FAM114A2: variants seen among roughly 807,000 people sequenced by gnomAD.
FAM114A2 encodes the protein family with sequence similarity 114 member A2.
A neutral mutation model predicts 58.4 loss-of-function variants in FAM114A2; 53 were observed. The observed-to-expected ratio is 0.91, with a 90% CI of 0.73 to 1.14. The LOEUF (loss-of-function observed/expected upper bound fraction) is 1.14. Ranked by LOEUF, FAM114A2 falls within the 50% of genes most tolerant of loss-of-function variation. The pLI, the probability that FAM114A2 is intolerant of heterozygous loss-of-function variation, is 0.00. For missense variants in FAM114A2, 601 were observed against 581.1 expected, an observed-to-expected ratio of 1.03 and a Z score of -0.35; for synonymous variants, 228 against 211.4, an observed-to-expected ratio of 1.08 and a Z score of -0.68.
At chr5:154,010,514 T>C (rs1446550032) in intron 9 of FAM114A2, among the ~76,000 whole-genome samples, 1 of 152,100 alleles carries the variant, frequency 6.6e-6, no homozygotes, top group Non-Finnish European at 1.5e-5. Context: ...GACTATGCAA[T>C]AGCTCTCACC....
intron 8 of FAM114A2, among the ~76,000 whole-genome samples, chr5:154,018,859 C>T (rs1771218300): frequency 6.6e-6 from 1 of 152,132 alleles, no homozygotes; most frequent in African/African-American, 2.4e-5. Flanking sequence ...ATGCAGCATC[C>T]TTTATGATTA....
intron 8 of FAM114A2, among the ~76,000 whole-genome samples, chr5:154,022,424 TAAAC>T (rs1192338121): frequency 7.2e-5 from 11 of 151,932 alleles, no homozygotes; most frequent in Non-Finnish European, 1.6e-4. Flanking sequence ...ACAAAGAACT[TAAAC>T]AAATTTACAA....
intron 8 of FAM114A2, among the ~76,000 whole-genome samples, chr5:154,016,023 C>T (rs1021689551): frequency 6.6e-6 from 1 of 152,002 alleles, no homozygotes; most frequent in African/African-American, 2.4e-5. Context: ...GAAGAAAGAA[C>T]TTCAGAGCTC....
chr5:154,002,997 C>A (rs1770098449), intron 9 of FAM114A2, 28 bp from the exon 10 acceptor site: 1 of 1,610,354 alleles, frequency 6.2e-7, no homozygotes, highest in African/African-American at 1.3e-5. Flanking sequence ...TGGCCATCAA[C>A]AATTCAATTC....
chr5:154,000,207 G>A (rs750915037), intron 11 of FAM114A2, among the ~76,000 whole-genome samples: 11 of 152,246 alleles, frequency 7.2e-5, no homozygotes, highest in East Asian at 1.9e-4. Context: ...AGGTGGGTGC[G>A]TGAGTGGGTG....
Position 153,999,972 on chromosome 5 carries a change from T to TATATGTGTGTGTATAC in FAM114A2, c.1257-2098_1257-2097insGTATACACACACATAT, listed in dbSNP as rs1561542133. Among the ~76,000 whole-genome samples, 187 of 152,256 alleles carry TATATGTGTGTGTATAC rather than the reference T, an allele frequency of 1.2e-3. 5 individuals carry two copies. In the South Asian group the frequency reaches 0.029, roughly 23 times the overall value. ...GTGTGTATATATATGTGTGTGTATA[T>TATATGTGTGTGTATAC]ATGTATATGTGTATACACACACACA... is the stretch of plus-strand genomic sequence containing the variant. On this transcript the variant is annotated intron_variant, in intron 11 of 13. Coordinates refer to ENST00000351797, the MANE Select transcript of FAM114A2 (RefSeq NM_018691.4).
rs750405505 is a variant in FAM114A2 at position 154,034,349 on chromosome 5, G to T, written c.239C>A (p.Thr80Asn). 3 of 1,594,482 alleles carry T rather than the reference G, an allele frequency of 1.9e-6. No homozygotes were observed. In the African/African-American group the frequency reaches 4.0e-5, roughly 21 times the overall value. ...QDNVSKDVPQ[T>N]RWGYWGSWGK... ...CCAGCTCCCCCAATAACCCCATCTG[G>T]TCTGGGGTACATCTTTGGAAACATT... Residue 80 changes from threonine to asparagine, a missense_variant, in exon 3 of 14, where the codon ACC becomes AAC. Thr to Asn is a moderately conservative substitution (Grantham distance 65). Coordinates refer to ENST00000351797, the MANE Select transcript of FAM114A2 (RefSeq NM_018691.4).
intron 4 of FAM114A2, among the ~76,000 whole-genome samples, chr5:154,030,461 T>G (rs72806613): frequency 1.3e-5 from 2 of 152,062 alleles, no homozygotes; most frequent in African/African-American, 4.8e-5. Flanking sequence ...GAAGCAACTG[T>G]CTTCAGACAT....
chr5:154,004,854 G>A (rs1770248941), intron 9 of FAM114A2, among the ~76,000 whole-genome samples: 1 of 151,998 alleles, frequency 6.6e-6, no homozygotes, highest in Non-Finnish European at 1.5e-5. Flanking sequence ...TAAGCCCAGG[G>A]CTGACCATTC....
intron 9 of FAM114A2, among the ~76,000 whole-genome samples, chr5:154,008,881 T>G (rs78498581): frequency 9.9e-5 from 15 of 152,146 alleles, no homozygotes; most frequent in Non-Finnish European, 2.2e-4. Flanking sequence ...GTTCCTACTG[T>G]AGAAGGGAGA....
intron 11 of FAM114A2, among the ~76,000 whole-genome samples, chr5:154,000,250 C>T (rs1282880508): frequency 6.6e-6 from 1 of 152,076 alleles, no homozygotes; most frequent in Non-Finnish European, 1.5e-5. Flanking sequence ...TGAGTACAAA[C>T]ATACAGTTAG....
At chr5:154,006,389 G>A (rs564675843) in intron 9 of FAM114A2, among the ~76,000 whole-genome samples, 1 of 152,286 alleles carries the variant, frequency 6.6e-6, no homozygotes, top group East Asian at 1.9e-4. Context: ...AGTTTGGGTG[G>A]TCAGGAAGGG....
chr5:154,021,903 G>A (rs557963717), intron 8 of FAM114A2, among the ~76,000 whole-genome samples: 1 of 152,198 alleles, frequency 6.6e-6, no homozygotes, highest in South Asian at 2.1e-4. Flanking sequence ...ATACTACAAG[G>A]CCACAGTAAC....
At chr5:154,004,883 C>G (rs1182409928) in intron 9 of FAM114A2, among the ~76,000 whole-genome samples, 1 of 152,150 alleles carries the variant, frequency 6.6e-6, no homozygotes, top group Non-Finnish European at 1.5e-5. Context: ...TTCAATGGCT[C>G]CTCATCAACT....
chr5:154,009,245 A>T (rs1770542872), intron 9 of FAM114A2, among the ~76,000 whole-genome samples: 1 of 152,224 alleles, frequency 6.6e-6, no homozygotes, highest in Admixed American at 6.5e-5. Context: ...CCAGAAAATA[A>T]GGAAGCACCC....
intron 8 of FAM114A2, among the ~76,000 whole-genome samples, chr5:154,024,784 T>C (rs976161461): frequency 6.6e-6 from 1 of 152,170 alleles, no homozygotes; most frequent in Non-Finnish European, 1.5e-5. Flanking sequence ...TTAGAAAATA[T>C]TGGTTCTCTG....
chr5:153,994,284 T>C (rs749565825), intron 13 of FAM114A2, among the ~76,000 whole-genome samples: 1 of 152,184 alleles, frequency 6.6e-6, no homozygotes, highest in Non-Finnish European at 1.5e-5. Flanking sequence ...CAGACTTACA[T>C]AAACATGTTT....
rs746390602 is a variant in FAM114A2, at chr5:154,034,897, A to G, written c.57T>C (p.Leu19=). 4 of 1,613,964 alleles carry G rather than the reference A, an allele frequency of 2.5e-6. No individual in the cohort carries two copies. The highest frequency in any genetic ancestry group is 3.4e-6 in the Non-Finnish European group (4 of 1,179,852). Residue 19 remains leucine (L), a synonymous_variant, in exon 2 of 14, where the codon CTT becomes CTC. Coordinates refer to ENST00000351797, the MANE Select transcript of FAM114A2 (RefSeq NM_018691.4). Reference sequence around the variant, plus strand: ...TGGCTGGCTCACAGTTTCCATCTTCAAGGATGGGGGCTGCTTCAGTTAGCA... The same window carrying G: ...TGGCTGGCTCACAGTTTCCATCTTCGAGGATGGGGGCTGCTTCAGTTAGCA... The part of the protein sequence containing the change: ...TPLLTEAAPI[L]EDGNCEPAKN...
In FAM114A2 at chr5:154,027,428, A is replaced by C. The variant is rs1231421433; in HGVS notation, c.631-94T>G. On this transcript the variant is annotated intron_variant, in intron 6 of 13. Transcript: ENST00000351797. The stretch of plus-strand genomic sequence containing the variant: ...AGGAAGCAAAGCTTAGACAGGTTAG[A>C]GTACAGAGGATTGCCCTTTCATTCT... 3.2e-5 allele frequency: 31 copies of C among 959,510 alleles called. No individual in the cohort carries two copies. The East Asian group carries it at 6.3e-4, about 20-fold the overall frequency. The allele number at this position is 959,510 out of a possible 1,614,324, so 59.4% of individuals were successfully genotyped here.
Sources: allele counts gnomAD v4.1 joint callset (sites outside exome capture counted in the v4.1 genomes callset), GRCh38; gene constraint gnomAD v4.1.1; transcripts MANE v1.5; gene names NCBI Gene and HGNC (gene_info 2026-07-23, HGNC 2026-07-21).